KALRN: variants seen among roughly 807,000 people sequenced by gnomAD.
The protein encoded by KALRN is kalirin.
A neutral mutation model predicts 353.7 loss-of-function variants in KALRN; 70 were observed. That is an observed-to-expected ratio of 0.20 (90% CI 0.16 to 0.24). The LOEUF (loss-of-function observed/expected upper bound fraction) is 0.24. Ranked by LOEUF, KALRN falls within the 10% of genes least tolerant of loss-of-function variation. KALRN has a pLI of 1.00. For missense variants in KALRN, 2,791 were observed against 3,756.7 expected, an observed-to-expected ratio of 0.74 and a Z score of 6.72; for synonymous variants, 1,391 against 1,434.8, an observed-to-expected ratio of 0.97 and a Z score of 0.69.
intron 3 of KALRN, among the ~76,000 whole-genome samples, chr3:124,259,793 C>T (rs139970941): frequency 3.3e-5 from 5 of 152,212 alleles, no homozygotes; most frequent in African/African-American, 1.2e-4. Context: ...GTAATAAGTG[C>T]TAAGGAGAAA....
At chr3:124,424,367 T>G (rs1309117363) in intron 15 of KALRN, among the ~76,000 whole-genome samples, 1 of 152,226 alleles carries the variant, frequency 6.6e-6, no homozygotes, top group East Asian at 1.9e-4. Context: ...TGATTTAGTA[T>G]GAGAGCCAAA....
At chr3:124,495,978 T>TGTATATATATATATATATATATATAC (rs1561136282) in intron 32 of KALRN, among the ~76,000 whole-genome samples, 4 of 26,520 alleles carry the variant, frequency 1.5e-4, no homozygotes. Context: ...TATATATATA[T>TGTATATATATATATATATATATATAC]ATATATATAT....
chr3:124,684,825 G>A (rs2150514504), intron 51 of KALRN, among the ~76,000 whole-genome samples: 1 of 152,196 alleles, frequency 6.6e-6, no homozygotes, highest in Middle Eastern at 3.4e-3. Context: ...GTCCACTCCT[G>A]GCTCTGGGAA....
chr3:124,061,622 C>T (rs936581514), intron 1 of KALRN, among the ~76,000 whole-genome samples: 1 of 152,176 alleles, frequency 6.6e-6, no homozygotes, highest in African/African-American at 2.4e-5. Context: ...ATGAAATAAT[C>T]TAATTTTCCA....
chr3:124,659,376 G>A lies in KALRN; in HGVS notation c.6135G>A (p.Gln2045=), dbSNP rs750962064. 4 of 1,612,594 alleles carry A rather than the reference G, an allele frequency of 2.5e-6. No homozygotes were observed. The African/African-American group carries it at 5.3e-5, about 22-fold the overall frequency. ...EYDAYFEEVK[Q]EINQRLTLSD... ...TGCCTGTGTTTCAGGAGGTAAAACAGGAGATAAATCAGAGGCTGACACTGA... is the reference window on the plus strand; with the variant it reads ...TGCCTGTGTTTCAGGAGGTAAAACAAGAGATAAATCAGAGGCTGACACTGA... Residue 2045 remains glutamine, a synonymous_variant, in exon 43 of 60, where the codon CAG becomes CAA. Coordinates refer to ENST00000682506, the MANE Select transcript of KALRN (RefSeq NM_001388419.1).
chr3:124,379,513 A>G (rs1229490827), intron 10 of KALRN, among the ~76,000 whole-genome samples: 1 of 152,204 alleles, frequency 6.6e-6, no homozygotes, highest in African/African-American at 2.4e-5. Context: ...ATAAAGTTAC[A>G]TGGAAAAAAA....
chr3:124,308,117 A>G (rs1176180702), intron 6 of KALRN, among the ~76,000 whole-genome samples: 1 of 152,024 alleles, frequency 6.6e-6, no homozygotes, highest in African/African-American at 2.4e-5. Flanking sequence ...TATCAGGAAG[A>G]TGTAACAACT....
intron 11 of KALRN, among the ~76,000 whole-genome samples, chr3:124,388,155 G>T (rs2088707638): frequency 6.6e-6 from 1 of 151,918 alleles, no homozygotes. Context: ...TTGTGCCTTT[G>T]GGAGAATTAC....
At chr3:124,452,260 T>A (rs1360278716) in intron 21 of KALRN, among the ~76,000 whole-genome samples, 1 of 152,210 alleles carries the variant, frequency 6.6e-6, no homozygotes, top group Non-Finnish European at 1.5e-5. Context: ...TTCTTCCCAA[T>A]AAAAATCTTC....
chr3:124,488,426 A>G, intron 29 of KALRN, 111 bp downstream of exon 29: 1 of 748,168 alleles, frequency 1.3e-6, no homozygotes. Flanking sequence ...GCTGGAAGAG[A>G]GAAGAAATGA....
chr3:124,116,615 G>A (rs191434520), intron 1 of KALRN, among the ~76,000 whole-genome samples: 1 of 152,146 alleles, frequency 6.6e-6, no homozygotes, highest in African/African-American at 2.4e-5. Context: ...AGGGGGATAC[G>A]TTCCAAGATC....
intron 1 of KALRN, among the ~76,000 whole-genome samples, chr3:124,107,510 C>T (rs1480157933): frequency 6.6e-6 from 1 of 152,168 alleles, no homozygotes; most frequent in Non-Finnish European, 1.5e-5. Flanking sequence ...TTTTCCCCAC[C>T]AACCTGGCCC....
In KALRN at chr3:124,408,303, G is replaced by C. The variant is rs1021054316; in HGVS notation, c.2347-5167G>C. 4.5e-4 allele frequency among the ~76,000 whole-genome samples: 68 copies of C among 152,066 alleles called. 1 individual carries two copies. The highest frequency in any genetic ancestry group is 1.6e-4 in the Non-Finnish European group (11 of 68,008). ...TTTAGAAGAAGAAGAAAACAAGAAG[G>C]GTAAAACTGGCACTTTTCTGAAGTG... On this transcript the variant is annotated intron_variant, in intron 13 of 59. Coordinates refer to ENST00000682506, the MANE Select transcript of KALRN (RefSeq NM_001388419.1).
chr3:124,564,134 G>A (rs1460414087), intron 34 of KALRN, among the ~76,000 whole-genome samples: 2 of 150,312 alleles, frequency 1.3e-5, no homozygotes, highest in African/African-American at 4.9e-5. Flanking sequence ...GAACCCGGGA[G>A]GCGGAGCTTG....
intron 19 of KALRN, among the ~76,000 whole-genome samples, chr3:124,445,386 T>G (rs947641207): frequency 6.6e-6 from 1 of 152,216 alleles, no homozygotes; most frequent in African/African-American, 2.4e-5. Context: ...TTAAAACGCT[T>G]AAGACATCTA....
rs2061453204 is a variant in KALRN, at chr3:124,684,063, T to C, written c.7377+4546T>C. 2.0e-5 allele frequency among the ~76,000 whole-genome samples: 3 copies of C among 152,196 alleles called. No individual in the cohort carries two copies. The South Asian group carries it at 6.2e-4, about 31-fold the overall frequency. ...TATACCACCATCACCACTATCCATT[T>C]CCAGAACGTTTTCATCATCGCAAAC... On this transcript the variant is annotated intron_variant, in intron 51 of 59. Transcript: ENST00000682506.
intron 37 of KALRN, among the ~76,000 whole-genome samples, chr3:124,642,806 G>GTTTTT (rs71145471): frequency 1.0e-5 from 1 of 96,840 alleles, no homozygotes; most frequent in Non-Finnish European, 1.9e-5. Context: ...CCCAAGCCTC[G>GTTTTT]TTTTTTTTTT....
rs376053770 is a variant in KALRN at position 124,332,927 on chromosome 3, C to T, written c.1417-1338C>T. Among the ~76,000 whole-genome samples the T allele has an allele frequency of 2.1e-3, 313 of 151,848 alleles. 1 individual carries two copies. The highest frequency in any genetic ancestry group is 7.0e-3 in the African/African-American group (288 of 41,400). ...TGGTTGTATTAGTCTGTTCTCATGC[C>T]GCTAATAAAGACATACCTGAGACTG... On this transcript the variant is annotated intron_variant, in intron 8 of 59. Transcript: ENST00000682506.
At chr3:124,313,015 A>G (rs1192772499) in intron 6 of KALRN, among the ~76,000 whole-genome samples, 1 of 152,222 alleles carries the variant, frequency 6.6e-6, no homozygotes, top group Non-Finnish European at 1.5e-5. Flanking sequence ...AAGGATGCAG[A>G]GCTAGGAAGG....
Sources: allele counts gnomAD v4.1 joint callset (sites outside exome capture counted in the v4.1 genomes callset), GRCh38; gene constraint gnomAD v4.1.1; transcripts MANE v1.5; gene names NCBI Gene and HGNC (gene_info 2026-07-23, HGNC 2026-07-21).